MYO7A: variants seen among roughly 807,000 people sequenced by gnomAD.
MYO7A encodes the protein unconventional myosin-VIIa.
Under a neutral mutation model 263.8 loss-of-function variants are expected in MYO7A, and 210 were observed. That is an observed-to-expected ratio of 0.80 (90% CI 0.71 to 0.89). The LOEUF (loss-of-function observed/expected upper bound fraction) is 0.89, where lower values mean the gene tolerates loss of function less well. Ranked by LOEUF, MYO7A falls within the 40% of genes least tolerant of loss-of-function variation. The pLI, the probability that MYO7A is intolerant of heterozygous loss-of-function variation, is 0.00. For synonymous variants in MYO7A, 1,239 were observed against 1,197.3 expected (o/e 1.03, Z -0.72); for missense variants, 2,820 against 2,968.3 (o/e 0.95, Z 1.16).
At position 77,189,483 on chromosome 11, in the gene MYO7A, C is replaced by T. The variant is rs782219932; in HGVS notation, c.3630+13C>T. ...GAAGTTTGTCAAGGTAGGAAGGTGC[C>T]TGGCCTCCTGGAGTGGGAAGGGGAG... On this transcript the variant is annotated intron_variant, in intron 28 of 48. Coordinates refer to ENST00000409709, the MANE Select transcript of MYO7A (RefSeq NM_000260.4). The T allele has an allele frequency of 8.1e-6, 13 of 1,613,512 alleles. No individual in the cohort carries two copies. In the South Asian group the frequency reaches 1.3e-4, roughly 16 times the overall value.
At chr11:77,160,353 C>T (rs1023786070) in intron 11 of MYO7A, 71 bp downstream of exon 11, 94 of 1,513,762 alleles carry the variant, frequency 6.2e-5, no homozygotes, top group Admixed American at 1.0e-4. Flanking sequence ...GGGCAGGTGC[C>T]AAGGAGTCCT....
intron 39 of MYO7A, among the ~76,000 whole-genome samples, chr11:77,204,617 C>G (rs983076376): frequency 6.6e-6 from 1 of 152,210 alleles, no homozygotes; most frequent in Non-Finnish European, 1.5e-5. Context: ...GCTGAAAACT[C>G]TCATGGGTTT....
chr11:77,214,566 T>C, intron 48 of MYO7A, 41 bp from the exon 49 acceptor site: 4 of 1,435,258 alleles, frequency 2.8e-6, no homozygotes, highest in African/African-American at 1.4e-5. Context: ...GCTGGCCCTG[T>C]CCCACCGTGT....
chr11:77,199,478 G>C, intron 34 of MYO7A, 57 bp from the exon 35 acceptor site: 5 of 1,432,946 alleles, frequency 3.5e-6, no homozygotes, highest in Non-Finnish European at 4.6e-6. Flanking sequence ...TCTGAGCTGG[G>C]CCACGTCTCC....
intron 15 of MYO7A, among the ~76,000 whole-genome samples, chr11:77,169,388 T>C (rs1485023273): frequency 2.6e-5 from 4 of 152,232 alleles, no homozygotes; most frequent in African/African-American, 7.2e-5. Flanking sequence ...AGCCCAGTCA[T>C]ATGTCCTGGG....
Position 77,194,093 on chromosome 11 carries a change from C to T in MYO7A, c.4153-261C>T, listed in dbSNP as rs190598748. Reference sequence around the variant, plus strand: ...GTTTCTTTGCATCACTTCATGTGCCCCTGGGCAGAGTCCAGCTCCATGCCA... The same window carrying T: ...GTTTCTTTGCATCACTTCATGTGCCTCTGGGCAGAGTCCAGCTCCATGCCA... On this transcript the variant is annotated intron_variant, in intron 31 of 48. Coordinates refer to ENST00000409709, the MANE Select transcript of MYO7A (RefSeq NM_000260.4). 1.6e-4 allele frequency: 108 copies of T among 662,562 alleles called. 1 individual carries two copies. Among genetic ancestry groups the T allele is most frequent in the African/African-American group, 1.4e-3 (79 of 56,592 alleles). The allele number at this position is 662,562 out of a possible 1,614,324, so 41.0% of individuals were successfully genotyped here. A position where few individuals can be genotyped will look rare whatever the true frequency, so the allele number is the denominator to read the frequency against.
chr11:77,183,163 G>A lies in MYO7A; in HGVS notation c.3375+6G>A, dbSNP rs1955397681. On this transcript the variant is annotated splice_donor_region_variant and intron_variant, in intron 26 of 48. Coordinates refer to ENST00000409709, the MANE Select transcript of MYO7A (RefSeq NM_000260.4). ...AGTCCAAGCTCACAGAGGAGGTGAG[G>A]GCAGACGCTGGGGGTCTGGCAGCCC... 9 of 1,551,250 alleles carry A rather than the reference G, an allele frequency of 5.8e-6. No homozygotes were observed. The highest frequency in any genetic ancestry group is 3.9e-5 in the Admixed American group (2 of 51,032).
Position 77,212,959 on chromosome 11 carries a change from C to A in MYO7A, c.6362C>A (p.Thr2121Lys). 6.3e-7 allele frequency: 1 copy of A among 1,593,004 alleles called. No individual in the cohort carries two copies. Among genetic ancestry groups the A allele is most frequent in the Non-Finnish European group, 8.6e-7 (1 of 1,169,118 alleles). ...TCTCATCTTTTTTTCTAGCAAACTACGGAGCCAAACTTCCCTGAGATCCTC... is the reference window on the plus strand; with the variant it reads ...TCTCATCTTTTTTTCTAGCAAACTAAGGAGCCAAACTTCCCTGAGATCCTC... Reference protein sequence around the residue: ...GSAFFEVKQTTEPNFPEILLI... With the variant: ...GSAFFEVKQTKEPNFPEILLI... The change falls in exon 47 of 49, where the codon ACG becomes AAG. Residue 2121 changes from threonine (T) to lysine (K), a missense_variant. Thr to Lys is a moderately conservative substitution (Grantham distance 78). Transcript: ENST00000409709.
chr11:77,190,304 G>C (rs1486485255), intron 29 of MYO7A, among the ~76,000 whole-genome samples, 165 bp downstream of exon 29: 1 of 152,190 alleles, frequency 6.6e-6, no homozygotes, highest in Admixed American at 6.5e-5. Context: ...CAGGCCCATC[G>C]GAACAGAAAA....
In MYO7A at chr11:77,199,679, G is replaced by A. The variant is rs568414079; in HGVS notation, c.4713G>A (p.Thr1571=). Residue 1571 remains threonine, a synonymous_variant, in exon 35 of 49, where the codon ACG becomes ACA. Coordinates refer to ENST00000409709, the MANE Select transcript of MYO7A (RefSeq NM_000260.4). ...RGAKTTAPSF[T]LATIKGDEYT... ...CGAAAACGACGGCCCCCAGCTTCAC[G>A]CTGGCCACCATCAAGGGGGACGAAT... The A allele has an allele frequency of 1.5e-5, 24 of 1,613,316 alleles. No homozygotes were observed. The South Asian group carries it at 1.6e-4, about 11-fold the overall frequency.
intron 15 of MYO7A, 142 bp downstream of exon 15, chr11:77,166,304 G>C: frequency 2.9e-6 from 2 of 697,040 alleles, no homozygotes; most frequent in South Asian, 3.4e-5. Context: ...TCCAGGAGGG[G>C]CCTGGAGGGG....
At position 77,202,419 on chromosome 11, in the gene MYO7A, C is replaced by A; in HGVS notation, c.5163C>A (p.Tyr1721Ter). Residue 1721 changes from tyrosine (Y) to a stop codon, truncating the protein, a stop_gained, in exon 37 of 49, where the codon TAC (tyrosine) becomes TAA (stop). Transcript: ENST00000409709. LOFTEE classifies it high-confidence loss of function. ...PYTLEEFSYD[Y>*]FRPPPKHTLS... is the part of the protein sequence containing the mutation. The stretch of plus-strand genomic sequence containing the variant: ...CGCTGGAGGAGTTTTCCTATGACTA[C>A]TTCAGGTGATGCCTCCTGGGGAAGG... 1 of 1,551,578 alleles carries A rather than the reference C, an allele frequency of 6.4e-7. No individual in the cohort carries two copies. The highest frequency in any genetic ancestry group is 8.7e-7 in the Non-Finnish European group (1 of 1,147,084).
At chr11:77,162,597 G>A (rs1467418306) in intron 13 of MYO7A, among the ~76,000 whole-genome samples, 4 of 152,164 alleles carry the variant, frequency 2.6e-5, no homozygotes, top group Non-Finnish European at 5.9e-5. Flanking sequence ...GTTGGGGAGG[G>A]GGAGAGGGGA....
intron 26 of MYO7A, among the ~76,000 whole-genome samples, chr11:77,184,178 G>A (rs540500371): frequency 6.6e-6 from 1 of 152,290 alleles, no homozygotes; most frequent in African/African-American, 2.4e-5. Flanking sequence ...GAGTGGTGGT[G>A]ACTGGTGGTT....
At chr11:77,135,914 C>T (rs1363506506) in intron 2 of MYO7A, among the ~76,000 whole-genome samples, 1 of 152,060 alleles carries the variant, frequency 6.6e-6, no homozygotes, top group East Asian at 1.9e-4. Flanking sequence ...AGTCCTATGC[C>T]TATGTTTGTT....
intron 1 of MYO7A, among the ~76,000 whole-genome samples, chr11:77,129,882 C>G (rs1555045550): frequency 6.6e-6 from 1 of 152,106 alleles, no homozygotes; most frequent in Admixed American, 6.5e-5. Flanking sequence ...TGAGGATGTC[C>G]AAGTATAAGG....
At chr11:77,145,589 G>A (rs1466988650) in intron 3 of MYO7A, among the ~76,000 whole-genome samples, 1 of 151,908 alleles carries the variant, frequency 6.6e-6, no homozygotes, top group African/African-American at 2.4e-5. Context: ...GGGACCGCAT[G>A]GGGGGATTTT....
chr11:77,155,369 T>C (rs1952353636), intron 4 of MYO7A, among the ~76,000 whole-genome samples: 1 of 152,172 alleles, frequency 6.6e-6, no homozygotes, highest in Non-Finnish European at 1.5e-5. Flanking sequence ...CCTGGGGCAG[T>C]GCTACAGAGA....
intron 15 of MYO7A, among the ~76,000 whole-genome samples, chr11:77,170,334 TGCAAGCCTATG>T (rs1555075214): frequency 6.6e-6 from 1 of 152,086 alleles, no homozygotes; most frequent in African/African-American, 2.4e-5. Context: ...TGAGGTGCTT[TGCAAGCCTATG>T]CCTGCATCCC....
Sources: allele counts gnomAD v4.1 joint callset (sites outside exome capture counted in the v4.1 genomes callset), GRCh38; gene constraint gnomAD v4.1.1; transcripts MANE v1.5; gene names NCBI Gene and HGNC (gene_info 2026-07-23, HGNC 2026-07-21).